MYCBPAP: variants seen among roughly 807,000 people sequenced by gnomAD.
The protein encoded by MYCBPAP is MYCBP-associated protein.
A neutral mutation model predicts 106.1 loss-of-function variants in MYCBPAP; 60 were observed. The observed-to-expected ratio is 0.57, with a 90% CI of 0.46 to 0.70. The LOEUF is 0.70. Among genes scored for constraint, MYCBPAP ranks in the 30% least tolerant of loss-of-function variants. The pLI is 0.00. For synonymous variants in MYCBPAP, 407 were observed against 440.6 expected (o/e 0.92, Z 0.95); for missense variants, 1,064 against 1,169.3 (o/e 0.91, Z 1.31).
chr17:50,530,378 C>T (rs2144010820), intron 18 of MYCBPAP: 1 of 216,074 alleles, frequency 4.6e-6, no homozygotes, highest in Middle Eastern at 2.1e-3. Context: ...ACCTGTAGTC[C>T]CAGCTACTTG....
intron 18 of MYCBPAP, chr17:50,529,934 T>C (rs2034581789): frequency 4.6e-6 from 2 of 436,926 alleles, no homozygotes; most frequent in Admixed American, 4.8e-5. Context: ...GTTGTTTGTT[T>C]TGGAGGGGAG....
intron 1 of MYCBPAP, among the ~76,000 whole-genome samples, chr17:50,511,861 C>T (rs561612985): frequency 6.6e-6 from 1 of 152,194 alleles, no homozygotes; most frequent in East Asian, 1.9e-4. Flanking sequence ...TCCCTGGTCT[C>T]CCCAGCTTGC....
intron 9 of MYCBPAP, 133 bp from the exon 10 acceptor site, chr17:50,521,840 T>G: frequency 1.4e-6 from 1 of 722,202 alleles, no homozygotes; most frequent in Non-Finnish European, 2.4e-6. Flanking sequence ...TGCGTGGGAG[T>G]GGAGTTGATC....
At chr17:50,508,345 G>A, upstream of MYCBPAP, 2 of 486,424 alleles carry the variant, frequency 4.1e-6, no homozygotes, top group Non-Finnish European at 7.1e-6. Context: ...GCAACTCGCG[G>A]GGGTCCTCGC....
At position 50,522,970 on chromosome 17, in the gene MYCBPAP, T is replaced by C. The variant is rs1037074903; in HGVS notation, c.1289T>C (p.Phe430Ser). The part of the protein sequence containing the change: ...RQVGIAAHLT[F>S]ETLEGEKTSS... ...GTTGGGATTGCTGCTCACTTGACCTTTGAAACCCTAGAAGGCGAGAAAACC... is the reference window on the plus strand; with the variant it reads ...GTTGGGATTGCTGCTCACTTGACCTCTGAAACCCTAGAAGGCGAGAAAACC... The change falls in exon 11 of 19, where the codon TTT becomes TCT. Residue 430 changes from phenylalanine to serine, a missense_variant. Phe to Ser is a radical substitution (Grantham distance 155, BLOSUM62 -2). Transcript: ENST00000323776. The C allele has an allele frequency of 1.2e-6, 2 of 1,612,792 alleles. No homozygotes were observed. Among genetic ancestry groups the C allele is most frequent in the African/African-American group, 2.7e-5 (2 of 74,824 alleles).
intron 9 of MYCBPAP, 37 bp downstream of exon 9, chr17:50,521,468 G>T (rs1346795700): frequency 1.4e-6 from 2 of 1,433,598 alleles, no homozygotes; most frequent in South Asian, 2.4e-5. Flanking sequence ...AGAGGCTGAA[G>T]AGTTCTCCAG....
At chr17:50,508,350 C>A (rs1016416249), upstream of MYCBPAP, 1 of 495,874 alleles carries the variant, frequency 2.0e-6, no homozygotes. Flanking sequence ...TCGCGGGGGT[C>A]CTCGCCCGGG....
chr17:50,531,024 C>T (rs972009119), intron 18 of MYCBPAP, among the ~76,000 whole-genome samples: 1 of 151,908 alleles, frequency 6.6e-6, no homozygotes, highest in African/African-American at 2.4e-5. Context: ...TGGTGGTGCA[C>T]GCCTGTAGTC....
At chr17:50,508,228 TGGCACCCCC>T, upstream of MYCBPAP, 1 of 300,512 alleles carries the variant, frequency 3.3e-6, no homozygotes, top group Non-Finnish European at 6.1e-6. Flanking sequence ...AAGCAGGGGC[TGGCACCCCC>T]GACGCCCCAC....
chr17:50,527,406 G>A lies in MYCBPAP; in HGVS notation c.2289G>A (p.Met763Ile), dbSNP rs1439685244. The change falls in exon 15 of 19, where the codon ATG becomes ATA. Residue 763 changes from methionine to isoleucine, a missense_variant and splice_region_variant. By Grantham distance (10) the Met-to-Ile change is conservative. Transcript: ENST00000323776. ...RPLQSNLLHQ[M>I]CLQLWRDVID... ...TGCAGTCCAACCTCCTGCACCAGAT[G>A]TGGTAGGTGCCCTGCCAGGAGAGCT... The A allele has an allele frequency of 6.2e-7, 1 of 1,613,848 alleles. No homozygotes were observed.
At chr17:50,530,829 C>T (rs550446981) in intron 18 of MYCBPAP, among the ~76,000 whole-genome samples, 4 of 152,152 alleles carry the variant, frequency 2.6e-5, no homozygotes, top group South Asian at 4.2e-4. Context: ...GGAGTTGCCC[C>T]TTGAACAACT....
rs747372245 is a variant in MYCBPAP, at chr17:50,519,109, G to A, written c.768+20G>A. On this transcript the variant is annotated intron_variant, in intron 6 of 18. Coordinates refer to ENST00000323776, the MANE Select transcript of MYCBPAP (RefSeq NM_032133.6). ...AGGAAAGTGAGGCCACCTGTCCTAA[G>A]TGCCCGGGGGCAGGGGGGTCCATGG... 1.3e-6 allele frequency: 2 copies of A among 1,581,122 alleles called. No homozygotes were observed. Among genetic ancestry groups the A allele is most frequent in the Non-Finnish European group, 1.7e-6 (2 of 1,154,748 alleles).
chr17:50,525,805 G>T, intron 13 of MYCBPAP, 76 bp from the exon 14 acceptor site: 1 of 1,490,942 alleles, frequency 6.7e-7, no homozygotes, highest in South Asian at 1.3e-5. Flanking sequence ...TACTATTTAT[G>T]TCCTTATTTA....
chr17:50,514,542 T>A (rs1312897707), intron 1 of MYCBPAP, among the ~76,000 whole-genome samples: 1 of 152,088 alleles, frequency 6.6e-6, no homozygotes, highest in Non-Finnish European at 1.5e-5. Flanking sequence ...AGGCAGGGAG[T>A]GTGTCCTCGT....
Position 50,518,498 on chromosome 17 carries a change from A to G in MYCBPAP, c.469-43A>G, listed in dbSNP as rs749152332. The G allele has an allele frequency of 2.0e-6, 3 of 1,506,386 alleles. No homozygotes were observed. In the East Asian group the frequency reaches 6.9e-5, roughly 35 times the overall value. The allele number at this position is 1,506,386 out of a possible 1,614,324, so 93.3% of individuals were successfully genotyped here. A position where few individuals can be genotyped will look rare whatever the true frequency, so the allele number is the denominator to read the frequency against. On this transcript the variant is annotated intron_variant, in intron 4 of 18. Coordinates refer to ENST00000323776, the MANE Select transcript of MYCBPAP (RefSeq NM_032133.6). ...GAAATGTGTGCTCAGCCCTGCCCAG[A>G]GCCTTCTTACTGCCCTCCACATACC...
At chr17:50,524,398 CA>C (rs1166962167) in intron 12 of MYCBPAP, among the ~76,000 whole-genome samples, 4 of 152,190 alleles carry the variant, frequency 2.6e-5, no homozygotes, top group Non-Finnish European at 5.9e-5. Context: ...CAGTGGTGAT[CA>C]AAGGTAATTT....
At chr17:50,519,353 G>A (rs2034173570) in intron 6 of MYCBPAP, 1 of 584,584 alleles carries the variant, frequency 1.7e-6, no homozygotes. Flanking sequence ...TAGACTGAGT[G>A]GAGCCTACAC....
intron 18 of MYCBPAP, chr17:50,530,296 C>A: frequency 3.0e-6 from 1 of 335,942 alleles, no homozygotes; most frequent in Non-Finnish European, 5.9e-6. Flanking sequence ...GAGTTCAAGA[C>A]CAGCCTGGGC....
intron 6 of MYCBPAP, chr17:50,519,394 C>CT: frequency 1.7e-6 from 1 of 591,228 alleles, no homozygotes; most frequent in Admixed American, 3.0e-5. Flanking sequence ...AGTCCCCCAC[C>CT]TTTTTTTCTG....
Sources: gnomAD v4.1 joint callset for allele counts (sites outside exome capture counted in the v4.1 genomes callset) on GRCh38, gnomAD v4.1.1 for gene constraint, MANE v1.5 for transcripts, NCBI Gene and HGNC (gene_info 2026-07-23, HGNC 2026-07-21) for gene names.